The following NBEA variants were observed in gnomAD, a reference collection of about 807,000 sequenced individuals.
NBEA encodes the protein neurobeachin, also known as lysosomal-trafficking regulator 2.
A neutral mutation model predicts 343.4 loss-of-function variants in NBEA; 44 were observed. The ratio of observed to expected loss-of-function variants is 0.13; its 90% CI spans 0.10 to 0.16. The LOEUF (loss-of-function observed/expected upper bound fraction) is 0.16, where lower values mean the gene tolerates loss of function less well. NBEA is among the 10% of genes least tolerant of loss of function. The pLI is 1.00. For synonymous variants in NBEA, 1,175 were observed against 1,238.7 expected, an observed-to-expected ratio of 0.95 and a Z score of 1.08; for missense variants, 2,555 against 3,631.3, an observed-to-expected ratio of 0.70 and a Z score of 7.62.
intron 8 of NBEA, among the ~76,000 whole-genome samples, chr13:35,065,137 G>A (rs940510807): frequency 1.3e-5 from 2 of 151,624 alleles, no homozygotes; most frequent in Non-Finnish European, 2.9e-5. Context: ...AGATTCCTCA[G>A]GAAGAGTTCA....
At chr13:35,332,908 C>G (rs2039014822) in intron 36 of NBEA, among the ~76,000 whole-genome samples, 1 of 152,068 alleles carries the variant, frequency 6.6e-6, no homozygotes, top group African/African-American at 2.4e-5. Context: ...CCAGCACTCC[C>G]CACTATAAAT....
chr13:35,462,839 A>G (rs1422086417), intron 40 of NBEA, among the ~76,000 whole-genome samples: 1 of 152,152 alleles, frequency 6.6e-6, no homozygotes, highest in Non-Finnish European at 1.5e-5. Flanking sequence ...TGACTAGTGC[A>G]GGGAGTAAGA....
chr13:35,591,228 A>G (rs187564898), intron 46 of NBEA, among the ~76,000 whole-genome samples: 10 of 152,206 alleles, frequency 6.6e-5, no homozygotes, highest in Admixed American at 6.6e-4. Context: ...CCCAAGATAG[A>G]GAAATAGTTC....
intron 8 of NBEA, among the ~76,000 whole-genome samples, chr13:35,068,872 G>C (rs1232511610): frequency 2.0e-5 from 3 of 152,134 alleles, no homozygotes; most frequent in Non-Finnish European, 4.4e-5. Flanking sequence ...AGGAGTGGGG[G>C]CCACTTTTAG....
At chr13:35,570,891 C>T (rs1247132447) in intron 45 of NBEA, among the ~76,000 whole-genome samples, 2 of 152,146 alleles carry the variant, frequency 1.3e-5, no homozygotes, top group Non-Finnish European at 2.9e-5. Flanking sequence ...AATATTATCA[C>T]AATGAAGAGA....
intron 41 of NBEA, among the ~76,000 whole-genome samples, chr13:35,504,616 T>C (rs1216802484): frequency 6.6e-6 from 1 of 152,162 alleles, no homozygotes; most frequent in African/African-American, 2.4e-5. Context: ...GTATTTTATA[T>C]TGTAGGTAGG....
intron 38 of NBEA, among the ~76,000 whole-genome samples, chr13:35,427,304 G>A (rs1198650790): frequency 6.6e-6 from 1 of 152,086 alleles, no homozygotes. Flanking sequence ...CGTACAGATG[G>A]GTTTTTGGTG....
intron 38 of NBEA, among the ~76,000 whole-genome samples, chr13:35,378,613 G>A (rs917635146): frequency 1.3e-5 from 2 of 151,792 alleles, no homozygotes; most frequent in African/African-American, 4.8e-5. Context: ...ATCACCACAG[G>A]ATATTTAAAA....
chr13:35,596,259 G>A (rs946920211), intron 47 of NBEA, among the ~76,000 whole-genome samples: 16 of 152,232 alleles, frequency 1.1e-4, no homozygotes, highest in African/African-American at 3.9e-4. Flanking sequence ...CTGAATTCAT[G>A]ATTAAACCTG....
intron 16 of NBEA, among the ~76,000 whole-genome samples, chr13:35,119,605 G>A (rs547770725): frequency 1.5e-4 from 23 of 152,158 alleles, no homozygotes; most frequent in African/African-American, 5.3e-4. Context: ...TTGAGACAGA[G>A]TCTTGCTCTG....
At chr13:35,632,028 C>T (rs549367651) in intron 49 of NBEA, among the ~76,000 whole-genome samples, 1 of 152,248 alleles carries the variant, frequency 6.6e-6, no homozygotes, top group African/African-American at 2.4e-5. Flanking sequence ...AACACTAGAT[C>T]TGTTGGATAG....
chr13:35,167,645 C>T (rs1164912531), intron 24 of NBEA, among the ~76,000 whole-genome samples: 2 of 151,692 alleles, frequency 1.3e-5, no homozygotes, highest in African/African-American at 4.8e-5. Flanking sequence ...AAAAAATAGA[C>T]CTCTTAGTAT....
At chr13:35,287,861 T>A (rs2035537884) in intron 34 of NBEA, among the ~76,000 whole-genome samples, 1 of 151,872 alleles carries the variant, frequency 6.6e-6, no homozygotes, top group South Asian at 2.1e-4. Context: ...AATTTTTATG[T>A]ATCAAATGAG....
At chr13:35,566,172 C>A (rs1485303304) in intron 44 of NBEA, among the ~76,000 whole-genome samples, 1 of 152,028 alleles carries the variant, frequency 6.6e-6, no homozygotes, top group Non-Finnish European at 1.5e-5. Flanking sequence ...ACCAGCCTGG[C>A]CAACATGGTG....
At position 35,164,388 on chromosome 13, in the gene NBEA, A is replaced by G. The variant is rs1414367395; in HGVS notation, c.4112A>G (p.Asn1371Ser). ...ACAAAGTCTGTAATGGATTTTGTCA[A>G]TAGCAATGAAAATATTATTTTTGTA... ...HSTKSVMDFV[N>S]SNENIIFVHN... The change falls in exon 24 of 59, where the codon AAT becomes AGT. Residue 1371 changes from asparagine to serine, a missense_variant. By Grantham distance (46) the Asn-to-Ser change is conservative. Around this residue, in one of 21 missense-constraint regions of NBEA, gnomAD observed 69 missense variants for 128.8 expected, o/e 0.54. Transcript: ENST00000379939. 1 of 1,587,512 alleles carries G rather than the reference A, an allele frequency of 6.3e-7. No individual in the cohort carries two copies.
intron 34 of NBEA, among the ~76,000 whole-genome samples, chr13:35,261,453 G>C (rs893187329): frequency 6.6e-6 from 1 of 152,128 alleles, no homozygotes; most frequent in Non-Finnish European, 1.5e-5. Context: ...GGAGGTTGCA[G>C]TGAGCCAAGA....
rs2059478658 is a variant in NBEA at position 34,955,990 on chromosome 13, A to C, written c.294+12876A>C. ...GACACCTAAAATTAACCATCATAAG[A>C]GGTATGTATTTTTTCTATCAACTCT... is the stretch of plus-strand genomic sequence containing the variant. On this transcript the variant is annotated intron_variant, in intron 1 of 58. Coordinates refer to ENST00000379939, the MANE Select transcript of NBEA (RefSeq NM_001385012.1). Among the ~76,000 whole-genome samples the C allele has an allele frequency of 2.0e-5, 3 of 152,292 alleles. 1 individual carries two copies. The Middle Eastern group carries it at 0.01, about 518-fold the overall frequency.
At chr13:35,464,579 C>A (rs2152954147) in intron 40 of NBEA, among the ~76,000 whole-genome samples, 1 of 152,238 alleles carries the variant, frequency 6.6e-6, no homozygotes, top group South Asian at 2.1e-4. Context: ...ATAACAAATA[C>A]CCTGACTTTC....
Position 35,177,119 on chromosome 13 carries a change from T to C in NBEA, c.4662+16T>C, listed in dbSNP as rs768793305. On this transcript the variant is annotated intron_variant, in intron 28 of 58. Coordinates refer to ENST00000379939, the MANE Select transcript of NBEA (RefSeq NM_001385012.1). ...TCGGGATGTGGTAAGTTATACCTGATTGGTTTCCCTGAAATAAACCTTCTA... is the reference window on the plus strand; with the variant it reads ...TCGGGATGTGGTAAGTTATACCTGACTGGTTTCCCTGAAATAAACCTTCTA... 15 of 1,548,554 alleles carry C rather than the reference T, an allele frequency of 9.7e-6. No individual in the cohort carries two copies. Among genetic ancestry groups the C allele is most frequent in the Non-Finnish European group, 1.1e-5 (12 of 1,133,118 alleles).
Sources: allele counts gnomAD v4.1 joint callset (sites outside exome capture counted in the v4.1 genomes callset), GRCh38; gene constraint gnomAD v4.1.1; regional missense constraint gnomAD v4.1.1; transcripts MANE v1.5; gene names NCBI Gene and HGNC (gene_info 2026-07-23, HGNC 2026-07-21).